The following LYPLAL1 variants were observed in gnomAD, a reference collection of about 807,000 sequenced individuals.
LYPLAL1 encodes the protein lysophospholipase like 1.
Under a neutral mutation model 19.7 loss-of-function variants are expected in LYPLAL1, and 23 were observed. The ratio of observed to expected loss-of-function variants is 1.17; its 90% confidence interval spans 0.84 to 1.65. The LOEUF (loss-of-function observed/expected upper bound fraction) is 1.65, where lower values mean the gene tolerates loss of function less well. Ranked by LOEUF, LYPLAL1 falls within the 40% of genes most tolerant of loss-of-function variation. The pLI is 0.00. For synonymous variants in LYPLAL1, 119 were observed against 96.3 expected, an observed-to-expected ratio of 1.24 and a Z score of -1.38; for missense variants, 355 against 279.4, an observed-to-expected ratio of 1.27 and a Z score of -1.93.
the LYPLAL1 span, among the ~76,000 whole-genome samples, chr1:219,390,100 C>T: frequency 6.6e-6 from 1 of 151,968 alleles, no homozygotes; most frequent in African/African-American, 2.4e-5. Context: ...CTCTAGGCTT[C>T]ATTTTGTCTC....
chr1:219,211,077 G>T (rs1419844209), intron 4 of LYPLAL1, among the ~76,000 whole-genome samples: 1 of 152,092 alleles, frequency 6.6e-6, no homozygotes, highest in Middle Eastern at 3.2e-3. Context: ...TAATGTTACA[G>T]CTTCAGTACC....
the LYPLAL1 span, among the ~76,000 whole-genome samples, chr1:219,280,147 T>A: frequency 6.6e-6 from 1 of 152,240 alleles, no homozygotes; most frequent in Non-Finnish European, 1.5e-5. Context: ...CGCTTTCTAC[T>A]GCAATATGAA....
chr1:219,297,997 G>T, the LYPLAL1 span, among the ~76,000 whole-genome samples: 1 of 152,124 alleles, frequency 6.6e-6, no homozygotes, highest in African/African-American at 2.4e-5. Flanking sequence ...ACTAGTAATT[G>T]GAGAACTTGA....
At chr1:219,410,090 G>A in the LYPLAL1 span, 1 of 152,160 alleles carries the variant, frequency 6.6e-6, no homozygotes, top group Admixed American at 6.5e-5. Context: ...CATTAAATGA[G>A]GTGAGCTCAC....
chr1:219,236,739 G>C, the LYPLAL1 span, among the ~76,000 whole-genome samples: 1 of 152,118 alleles, frequency 6.6e-6, no homozygotes, highest in Non-Finnish European at 1.5e-5. Flanking sequence ...CCAGTTGCCT[G>C]TAAGAGAAAT....
At chr1:219,293,631 A>C in the LYPLAL1 span, among the ~76,000 whole-genome samples, 16 of 152,256 alleles carry the variant, frequency 1.1e-4, no homozygotes, top group Non-Finnish European at 1.8e-4. Flanking sequence ...TGGAAGGCTG[A>C]TTACAAAACA....
the LYPLAL1 span, among the ~76,000 whole-genome samples, chr1:219,355,888 GA>G: frequency 1.3e-5 from 2 of 152,012 alleles, no homozygotes; most frequent in Non-Finnish European, 2.9e-5. Context: ...AAATCAGAAA[GA>G]AAATTAGAAA....
At chr1:219,301,671 G>A in the LYPLAL1 span, among the ~76,000 whole-genome samples, 1 of 151,828 alleles carries the variant, frequency 6.6e-6, no homozygotes, top group South Asian at 2.1e-4. Flanking sequence ...TTACTCAATT[G>A]CCCCCCAGAA....
the LYPLAL1 span, among the ~76,000 whole-genome samples, chr1:219,426,845 C>A: frequency 6.6e-6 from 1 of 152,170 alleles, no homozygotes; most frequent in African/African-American, 2.4e-5. Flanking sequence ...GTGATCTGCC[C>A]TCCTTGGCCT....
chr1:219,181,309 G>A (rs544463825), intron 2 of LYPLAL1, among the ~76,000 whole-genome samples: 1 of 152,048 alleles, frequency 6.6e-6, no homozygotes, highest in South Asian at 2.1e-4. Flanking sequence ...CTACATTTAC[G>A]TGCTTCATAA....
the LYPLAL1 span, among the ~76,000 whole-genome samples, chr1:219,441,077 T>G: frequency 6.6e-5 from 10 of 152,178 alleles, no homozygotes; most frequent in Admixed American, 6.5e-4. Flanking sequence ...AGCAAATTCT[T>G]ACGGGGGAAA....
chr1:219,382,866 G>GT, the LYPLAL1 span, among the ~76,000 whole-genome samples: 17,005 of 144,606 alleles, frequency 0.12, 973 homozygotes, highest in African/African-American at 0.16. Context: ...GTTTTGTTTT[G>GT]TTTTTTTTTT....
At chr1:219,431,244 G>A in the LYPLAL1 span, among the ~76,000 whole-genome samples, 1 of 151,918 alleles carries the variant, frequency 6.6e-6, no homozygotes, top group Non-Finnish European at 1.5e-5. Flanking sequence ...TATGGGAAAG[G>A]AGTTGGATTT....
At chr1:219,193,503 A>G (rs902762523) in intron 3 of LYPLAL1, 12 of 234,732 alleles carry the variant, frequency 5.1e-5, no homozygotes, top group South Asian at 3.9e-4. Context: ...TTTTTCTTCT[A>G]GTTTAATTTT....
At chr1:219,324,736 T>C in the LYPLAL1 span, among the ~76,000 whole-genome samples, 1 of 152,140 alleles carries the variant, frequency 6.6e-6, no homozygotes, top group Admixed American at 6.6e-5. Context: ...TTGGTGAGTG[T>C]GTGTTGAGGT....
At chr1:219,401,449 A>C in the LYPLAL1 span, among the ~76,000 whole-genome samples, 1 of 151,724 alleles carries the variant, frequency 6.6e-6, no homozygotes, top group Non-Finnish European at 1.5e-5. Flanking sequence ...CTATCAAGAG[A>C]TACATTTTCA....
intron 3 of LYPLAL1, among the ~76,000 whole-genome samples, chr1:219,208,422 A>C (rs528844540): frequency 5.8e-4 from 88 of 152,216 alleles, no homozygotes; most frequent in African/African-American, 2.1e-3. Flanking sequence ...GACTAGAACT[A>C]GTTTCCTTAA....
chr1:219,238,304 A>ATTTTGT, the LYPLAL1 span, among the ~76,000 whole-genome samples: 2 of 81,904 alleles, frequency 2.4e-5, no homozygotes, highest in Admixed American at 2.9e-4. Context: ...CGCCCGGCTA[A>ATTTTGT]TTTTTTTTTT....
the LYPLAL1 span, among the ~76,000 whole-genome samples, chr1:219,317,652 G>A: frequency 8.5e-5 from 13 of 152,222 alleles, no homozygotes; most frequent in Admixed American, 7.9e-4. Flanking sequence ...AAATAAATAA[G>A]CTACTTGACT....
Sources: allele counts gnomAD v4.1 joint callset (sites outside exome capture counted in the v4.1 genomes callset), GRCh38; gene constraint gnomAD v4.1.1; transcripts MANE v1.5; gene names NCBI Gene and HGNC (gene_info 2026-07-23, HGNC 2026-07-21).